The following OPCML variants were observed in gnomAD, a reference collection of about 807,000 sequenced individuals.
OPCML encodes the protein opioid-binding protein/cell adhesion molecule.
OPCML carries 13 observed loss-of-function variants against 37.8 expected under a neutral mutation model. The observed-to-expected ratio is 0.34, with a 90% CI of 0.22 to 0.55. The LOEUF is 0.55. OPCML is among the 20% of genes least tolerant of loss of function. The pLI is 0.91. For missense variants in OPCML, 341 were observed against 435.6 expected (o/e 0.78, Z 1.93); for synonymous variants, 176 against 168.8 (o/e 1.04, Z -0.33).
At chr11:132,495,482 G>A (rs749239332) in intron 4 of OPCML, among the ~76,000 whole-genome samples, 7 of 152,136 alleles carry the variant, frequency 4.6e-5, no homozygotes, top group Non-Finnish European at 7.3e-5. Flanking sequence ...TTCCCTTCAG[G>A]ATAGCTTACC....
chr11:133,496,397 C>A (rs1365180006), intron 1 of OPCML, among the ~76,000 whole-genome samples: 1 of 152,076 alleles, frequency 6.6e-6, no homozygotes, highest in African/African-American at 2.4e-5. Context: ...TTTTTTGGTT[C>A]CATATGAATT....
intron 7 of OPCML, chr11:132,435,157 A>G (rs890562149): frequency 7.8e-7 from 1 of 1,284,794 alleles, no homozygotes; most frequent in Admixed American, 2.3e-5. Flanking sequence ...TGCTGTACCC[A>G]CCTGCCACTG....
intron 2 of OPCML, among the ~76,000 whole-genome samples, chr11:132,769,073 C>T (rs752003202): frequency 1.2e-4 from 15 of 127,922 alleles, no homozygotes; most frequent in African/African-American, 1.5e-4. Context: ...GAGGAGGCTG[C>T]GCTGCTGAGG....
rs967925941 is a variant in OPCML, at chr11:133,270,953, T to A, written c.61+261311A>T. ...GTTGATTAAAATCAAGGCTACTGTG[T>A]CCTCGTTAAGGTCTGTGTATAGGAT... On this transcript the variant is annotated intron_variant, in intron 1 of 7. Coordinates refer to ENST00000524381, the MANE Select transcript of OPCML (RefSeq NM_001012393.5). Among the ~76,000 whole-genome samples the A allele has an allele frequency of 3.9e-5, 6 of 152,316 alleles. No homozygotes were observed. In the East Asian group the frequency reaches 7.7e-4, roughly 20 times the overall value.
At chr11:133,107,227 G>T in intron 1 of OPCML, among the ~76,000 whole-genome samples, 1 of 152,194 alleles carries the variant, frequency 6.6e-6, no homozygotes. Flanking sequence ...CTGAGGTATA[G>T]AAGTAGATTA....
intron 1 of OPCML, chr11:133,005,668 G>A: frequency 6.1e-6 from 6 of 980,274 alleles, no homozygotes; most frequent in Non-Finnish European, 6.1e-6. Context: ...GTTATGCATG[G>A]ATACTTATCA....
intron 2 of OPCML, among the ~76,000 whole-genome samples, chr11:132,897,218 T>C (rs569509627): frequency 6.6e-5 from 10 of 152,304 alleles, no homozygotes; most frequent in African/African-American, 2.4e-4. Context: ...CAGAAGTTCT[T>C]AGGATTTTGG....
chr11:132,785,200 C>T (rs1947167560), intron 2 of OPCML, among the ~76,000 whole-genome samples: 1 of 152,092 alleles, frequency 6.6e-6, no homozygotes, highest in Non-Finnish European at 1.5e-5. Context: ...AGCATCAAAA[C>T]AATAAACTCA....
At chr11:133,410,507 G>A (rs1033242504) in intron 1 of OPCML, among the ~76,000 whole-genome samples, 6 of 151,486 alleles carry the variant, frequency 4.0e-5, no homozygotes, top group Non-Finnish European at 7.4e-5. Flanking sequence ...GCTCCCTCGA[G>A]AAAGGCTGCA....
intron 1 of OPCML, among the ~76,000 whole-genome samples, chr11:133,176,674 C>A (rs764677337): frequency 3.9e-5 from 6 of 152,180 alleles, no homozygotes; most frequent in Non-Finnish European, 8.8e-5. Context: ...TATAAGCTTC[C>A]TGAGGCCTCA....
intron 2 of OPCML, among the ~76,000 whole-genome samples, chr11:132,733,979 G>T (rs1272022188): frequency 6.6e-6 from 1 of 152,128 alleles, no homozygotes; most frequent in African/African-American, 2.4e-5. Flanking sequence ...GCCATGCCTA[G>T]GTGTATGACA....
At chr11:133,295,904 CCTTTGA>C (rs1452817398) in intron 1 of OPCML, among the ~76,000 whole-genome samples, 1 of 152,174 alleles carries the variant, frequency 6.6e-6, no homozygotes, top group African/African-American at 2.4e-5. Context: ...CATTTGCACT[CCTTTGA>C]CTTACATTTT....
intron 1 of OPCML, among the ~76,000 whole-genome samples, chr11:133,189,915 A>G (rs1048109027): frequency 2.6e-5 from 4 of 152,236 alleles, no homozygotes; most frequent in African/African-American, 9.6e-5. Context: ...CAGGGAAAAT[A>G]AGGAGTGGTT....
intron 1 of OPCML, among the ~76,000 whole-genome samples, chr11:133,021,869 G>A (rs1947462774): frequency 6.6e-6 from 1 of 152,236 alleles, no homozygotes; most frequent in Non-Finnish European, 1.5e-5. Flanking sequence ...ACGGCAGTGT[G>A]CTGAGCCCCG....
chr11:132,976,444 A>C (rs1320059187), intron 1 of OPCML, among the ~76,000 whole-genome samples: 1 of 152,226 alleles, frequency 6.6e-6, no homozygotes, highest in Non-Finnish European at 1.5e-5. Flanking sequence ...AATCTCTAAC[A>C]GTTGATGTGA....
intron 4 of OPCML, among the ~76,000 whole-genome samples, chr11:132,521,022 C>G (rs1591499489): frequency 6.6e-6 from 1 of 152,044 alleles, no homozygotes; most frequent in South Asian, 2.1e-4. Context: ...GAAAGCATTC[C>G]TATTTCTCCA....
chr11:132,554,883 T>TTTTTTTTTTTTTTTTTTTTTTTTTTTC lies in OPCML; in HGVS notation c.380-25698_380-25697insGAAAAAAAAAAAAAAAAAAAAAAAAAA, dbSNP rs1255603307. Reference sequence around the variant, plus strand: ...GTAAAGTTTTTTTTTTTTTTTTTTTTTTTTTTTTCATTAGCTCTATGGTTA... The same window carrying TTTTTTTTTTTTTTTTTTTTTTTTTTTC: ...GTAAAGTTTTTTTTTTTTTTTTTTTTTTTTTTTTTTTTTTTTTTTTTTTTTTCTTTTTTTTCATTAGCTCTATGGTTA... On this transcript the variant is annotated intron_variant, in intron 3 of 7. Coordinates refer to ENST00000524381, the MANE Select transcript of OPCML (RefSeq NM_001012393.5). Among the ~76,000 whole-genome samples, 18 of 125,664 alleles carry TTTTTTTTTTTTTTTTTTTTTTTTTTTC rather than the reference T, an allele frequency of 1.4e-4. 1 individual carries two copies. The highest frequency in any genetic ancestry group is 1.4e-3 in the East Asian group (4 of 2,854). The allele number at this position is 125,664 out of a possible 152,430, so 82.4% of individuals were successfully genotyped here. A position where few individuals can be genotyped will look rare whatever the true frequency, so the allele number is the denominator to read the frequency against.
chr11:133,470,538 T>G (rs111768446), intron 1 of OPCML, among the ~76,000 whole-genome samples: 81 of 152,184 alleles, frequency 5.3e-4, no homozygotes, highest in African/African-American at 1.9e-3. Context: ...GTGAGAAAGC[T>G]GGCAAAGTGT....
At chr11:132,897,808 T>A (rs894983134) in intron 2 of OPCML, among the ~76,000 whole-genome samples, 1 of 152,186 alleles carries the variant, frequency 6.6e-6, no homozygotes, top group African/African-American at 2.4e-5. Flanking sequence ...GGTCAGGGAC[T>A]TGAAAGGAAC....
Sources: allele counts gnomAD v4.1 joint callset (sites outside exome capture counted in the v4.1 genomes callset), GRCh38; gene constraint gnomAD v4.1.1; transcripts MANE v1.5; gene names NCBI Gene and HGNC (gene_info 2026-07-23, HGNC 2026-07-21).